CCSER1: variants seen among roughly 807,000 people sequenced by gnomAD.
CCSER1 encodes the protein serine-rich coiled-coil domain-containing protein 1.
In CCSER1, 41 loss-of-function variants were observed where a neutral mutation model predicts 82.0. The ratio of observed to expected loss-of-function variants is 0.50; its 90% CI spans 0.39 to 0.65. The LOEUF is 0.65. Ranked by LOEUF, CCSER1 falls within the 30% of genes least tolerant of loss-of-function variation. CCSER1 has a pLI of 0.00. For missense variants in CCSER1, 1,119 were observed against 1,064.2 expected (o/e 1.05, Z -0.72); for synonymous variants, 414 against 383.9 (o/e 1.08, Z -0.92).
chr4:91,075,569 CTGTT>C (rs1339585097), intron 9 of CCSER1, among the ~76,000 whole-genome samples: 1 of 152,052 alleles, frequency 6.6e-6, no homozygotes, highest in Non-Finnish European at 1.5e-5. Context: ...AATAATTTGA[CTGTT>C]CGTGTGTACA....
chr4:90,837,522 T>C (rs964495467), intron 8 of CCSER1, among the ~76,000 whole-genome samples: 10 of 152,160 alleles, frequency 6.6e-5, no homozygotes, highest in African/African-American at 2.4e-4. Flanking sequence ...TTTCATCATA[T>C]TACTATGTTA....
At chr4:90,351,378 G>C (rs981242446) in intron 3 of CCSER1, among the ~76,000 whole-genome samples, 1 of 152,082 alleles carries the variant, frequency 6.6e-6, no homozygotes, top group Non-Finnish European at 1.5e-5. Flanking sequence ...GAATTCCAGA[G>C]AGAAGTCAAA....
At chr4:90,504,892 C>A (rs1014486654) in intron 5 of CCSER1, among the ~76,000 whole-genome samples, 2 of 152,026 alleles carry the variant, frequency 1.3e-5, no homozygotes, top group African/African-American at 4.8e-5. Flanking sequence ...CCAAAAAACC[C>A]AGAGTATCCA....
At chr4:91,403,175 CT>C (rs1452567449) in intron 10 of CCSER1, among the ~76,000 whole-genome samples, 1 of 152,070 alleles carries the variant, frequency 6.6e-6, no homozygotes, top group African/African-American at 2.4e-5. Context: ...TGGGAGTTCA[CT>C]CATGGTTTGG....
At chr4:90,987,070 C>T (rs1486739943) in intron 9 of CCSER1, among the ~76,000 whole-genome samples, 4 of 151,568 alleles carry the variant, frequency 2.6e-5, no homozygotes, top group Non-Finnish European at 4.4e-5. Context: ...TGAGCCCATG[C>T]AATCAATGAA....
At chr4:90,288,977 C>T (rs2153464609) in intron 1 of CCSER1, among the ~76,000 whole-genome samples, 2 of 151,948 alleles carry the variant, frequency 1.3e-5, no homozygotes, top group South Asian at 4.2e-4. Context: ...AGGTGCAGTG[C>T]CCTGTTTCCT....
At chr4:90,131,585 T>C (rs1228354733) in intron 1 of CCSER1, among the ~76,000 whole-genome samples, 1 of 152,178 alleles carries the variant, frequency 6.6e-6, no homozygotes, top group Non-Finnish European at 1.5e-5. Flanking sequence ...ATGTGTTGTC[T>C]ATTAATATAT....
chr4:90,520,379 G>C (rs1772926136), intron 5 of CCSER1, among the ~76,000 whole-genome samples: 1 of 151,968 alleles, frequency 6.6e-6, no homozygotes, highest in South Asian at 2.1e-4. Context: ...AAATTATATA[G>C]GGAGCATGGA....
At chr4:90,606,815 G>T (rs1456719728) in intron 5 of CCSER1, among the ~76,000 whole-genome samples, 1 of 152,080 alleles carries the variant, frequency 6.6e-6, no homozygotes, top group Non-Finnish European at 1.5e-5. Flanking sequence ...AACTATGAGG[G>T]TTTCTGTGAC....
At chr4:90,713,542 G>A (rs932486031) in intron 6 of CCSER1, among the ~76,000 whole-genome samples, 1 of 151,608 alleles carries the variant, frequency 6.6e-6, no homozygotes, top group Non-Finnish European at 1.5e-5. Flanking sequence ...CCCTTTCTAG[G>A]TGAACTGGCC....
At chr4:90,667,324 G>T (rs752700810) in intron 6 of CCSER1, among the ~76,000 whole-genome samples, 12 of 152,064 alleles carry the variant, frequency 7.9e-5, no homozygotes, top group Non-Finnish European at 1.5e-4. Flanking sequence ...TGAGTACATG[G>T]CTCATTGTTA....
chr4:90,775,644 A>G (rs1037691866), intron 7 of CCSER1, among the ~76,000 whole-genome samples: 4 of 152,202 alleles, frequency 2.6e-5, no homozygotes, highest in African/African-American at 9.7e-5. Context: ...CAATTAATGC[A>G]GAATAATGAT....
intron 9 of CCSER1, among the ~76,000 whole-genome samples, chr4:90,958,925 T>C (rs1223899238): frequency 6.6e-6 from 1 of 152,174 alleles, no homozygotes; most frequent in Non-Finnish European, 1.5e-5. Flanking sequence ...TATTAGAGTA[T>C]AATTTTCAAA....
intron 10 of CCSER1, among the ~76,000 whole-genome samples, chr4:91,397,568 T>A (rs1254454177): frequency 6.6e-6 from 1 of 152,050 alleles, no homozygotes; most frequent in Non-Finnish European, 1.5e-5. Flanking sequence ...AGTTATTCAC[T>A]GTCAAGCCAT....
At chr4:90,961,852 A>G (rs1288651580) in intron 9 of CCSER1, among the ~76,000 whole-genome samples, 2 of 152,094 alleles carry the variant, frequency 1.3e-5, no homozygotes, top group Non-Finnish European at 2.9e-5. Flanking sequence ...CTGAAAGTTG[A>G]CAATAGATTC....
intron 10 of CCSER1, among the ~76,000 whole-genome samples, chr4:91,207,929 T>C (rs1736477954): frequency 6.6e-6 from 1 of 151,970 alleles, no homozygotes; most frequent in South Asian, 2.1e-4. Flanking sequence ...TTCTGACTGG[T>C]GCGAGATGGT....
At chr4:91,319,073 T>C (rs1369402016) in intron 10 of CCSER1, 2 of 265,794 alleles carry the variant, frequency 7.5e-6, no homozygotes, top group South Asian at 3.3e-5. Flanking sequence ...CTCCAGAACT[T>C]GGTAAGGAAA....
At chr4:91,020,058 G>C (rs1739790148) in intron 9 of CCSER1, among the ~76,000 whole-genome samples, 1 of 151,882 alleles carries the variant, frequency 6.6e-6, no homozygotes, top group Non-Finnish European at 1.5e-5. Flanking sequence ...TTGAGAGTAA[G>C]AATTATAATA....
At chr4:90,927,510 A>C (rs1688716989) in intron 9 of CCSER1, among the ~76,000 whole-genome samples, 1 of 152,006 alleles carries the variant, frequency 6.6e-6, no homozygotes, top group African/African-American at 2.4e-5. Context: ...ATTTTGTCTC[A>C]TTCATGTATG....
Sources: allele counts gnomAD v4.1 joint callset (sites outside exome capture counted in the v4.1 genomes callset), GRCh38; gene constraint gnomAD v4.1.1; transcripts MANE v1.5; gene names NCBI Gene and HGNC (gene_info 2026-07-23, HGNC 2026-07-21).